RARB: variants seen among roughly 807,000 people sequenced by gnomAD.
The protein encoded by RARB is retinoic acid receptor beta.
In RARB, 17 loss-of-function variants were observed where a neutral mutation model predicts 51.9. The ratio of observed to expected loss-of-function variants is 0.33; its 90% CI spans 0.22 to 0.49. The LOEUF (loss-of-function observed/expected upper bound fraction) is 0.49, where lower values mean the gene tolerates loss of function less well. RARB is among the 20% of genes least tolerant of loss of function. RARB has a pLI of 0.99. For missense variants in RARB, 369 were observed against 550.8 expected (o/e 0.67, Z 3.30); for synonymous variants, 215 against 195.4 (o/e 1.10, Z -0.84).
intron 2 of RARB, among the ~76,000 whole-genome samples, chr3:25,045,204 GGA>G (rs1435054427): frequency 2.6e-5 from 4 of 152,140 alleles, no homozygotes; most frequent in Non-Finnish European, 5.9e-5. Context: ...GGTGTTTGAT[GGA>G]GAAAGGAGAG....
chr3:25,174,096 A>T lies in RARB; in HGVS notation c.-279-23A>T, dbSNP rs183282582. On this transcript the variant is annotated intron_variant, in intron 4 of 11. Coordinates refer to the RARB transcript ENST00000383772. ...GGGAGAGATTTTTTGTGATATATAT[A>T]TTTTTTTCATTTTTTCTTACAGAAT... 5.7e-4 allele frequency: 104 copies of T among 182,052 alleles called. 1 individual carries two copies. Among genetic ancestry groups the T allele is most frequent in the African/African-American group, 1.9e-3 (84 of 43,130 alleles). The allele number at this position is 182,052 out of a possible 1,614,324, so 11.3% of individuals were successfully genotyped here.
intron 5 of RARB, among the ~76,000 whole-genome samples, chr3:25,348,115 G>A (rs17016242): frequency 0.03 from 4,603 of 152,214 alleles, 165 homozygotes; most frequent in African/African-American, 0.089. Flanking sequence ...ACACCACACA[G>A]CTGATAGCAA....
chr3:24,934,061 C>G (rs1695497238), intron 2 of RARB, among the ~76,000 whole-genome samples: 1 of 152,100 alleles, frequency 6.6e-6, no homozygotes, highest in African/African-American at 2.4e-5. Context: ...ATGAAGTTCC[C>G]TTTGAAGAGC....
chr3:25,290,188 C>A (rs1178412937), intron 5 of RARB, among the ~76,000 whole-genome samples: 4 of 152,132 alleles, frequency 2.6e-5, no homozygotes, highest in Non-Finnish European at 5.9e-5. Flanking sequence ...AAGACCTATC[C>A]CCCAGGACTT....
intron 5 of RARB, among the ~76,000 whole-genome samples, chr3:25,343,660 G>C (rs893102556): frequency 3.3e-5 from 5 of 152,064 alleles, no homozygotes; most frequent in Non-Finnish European, 7.4e-5. Context: ...TACAGTGTTT[G>C]ATACACTAAT....
At chr3:24,878,361 G>A (rs1332426755) in intron 2 of RARB, among the ~76,000 whole-genome samples, 12 of 147,726 alleles carry the variant, frequency 8.1e-5, no homozygotes, top group Admixed American at 8.1e-4. Flanking sequence ...TCCAAGTTGT[G>A]ATTTTTTTTT....
At chr3:25,229,328 AC>A (rs1183488469) in intron 5 of RARB, among the ~76,000 whole-genome samples, 2 of 152,162 alleles carry the variant, frequency 1.3e-5, no homozygotes, top group Admixed American at 6.6e-5. Context: ...ATTATCTTTT[AC>A]CATATGAATT....
At position 25,370,899 on chromosome 3, in the gene RARB, T is replaced by A. The variant is rs539637682; in HGVS notation, c.179-90294T>A. ...TAGGAGAGAAACTTTCCTTTCCTCTTTGAGCTTTTGGTGACTGCCGGGGCA... is the reference window on the plus strand; with the variant it reads ...TAGGAGAGAAACTTTCCTTTCCTCTATGAGCTTTTGGTGACTGCCGGGGCA... On this transcript the variant is annotated intron_variant, in intron 5 of 11. Coordinates refer to the RARB transcript ENST00000383772. Among the ~76,000 whole-genome samples, 11 of 152,262 alleles carry A rather than the reference T, an allele frequency of 7.2e-5. No homozygotes were observed. The South Asian group carries it at 2.3e-3, about 32-fold the overall frequency.
chr3:25,164,710 C>T (rs951643595), intron 4 of RARB, among the ~76,000 whole-genome samples: 1 of 152,084 alleles, frequency 6.6e-6, no homozygotes, highest in Non-Finnish European at 1.5e-5. Context: ...GTGAATTTTT[C>T]TTTTATAAAA....
At chr3:25,150,857 C>A (rs1275152457) in intron 4 of RARB, among the ~76,000 whole-genome samples, 1 of 152,138 alleles carries the variant, frequency 6.6e-6, no homozygotes, top group Non-Finnish European at 1.5e-5. Context: ...GGAAAAATAC[C>A]TAGACAACGG....
At chr3:25,338,060 T>C (rs908950910) in intron 5 of RARB, among the ~76,000 whole-genome samples, 9 of 149,232 alleles carry the variant, frequency 6.0e-5, no homozygotes, top group Admixed American at 1.3e-4. Flanking sequence ...TTATTGAGCA[T>C]TGAAGCATGT....
At chr3:25,397,123 G>C (rs1222614533) in intron 5 of RARB, among the ~76,000 whole-genome samples, 1 of 152,124 alleles carries the variant, frequency 6.6e-6, no homozygotes, top group African/African-American at 2.4e-5. Flanking sequence ...TCTTCTCCAT[G>C]TGTTCCTTCC....
intron 5 of RARB, among the ~76,000 whole-genome samples, chr3:25,212,931 C>T (rs1419005646): frequency 6.6e-6 from 1 of 152,130 alleles, no homozygotes; most frequent in African/African-American, 2.4e-5. Flanking sequence ...AGGCCACGGA[C>T]GGGAAGTAAG....
At chr3:25,090,265 G>C (rs1361356852) in intron 3 of RARB, among the ~76,000 whole-genome samples, 2 of 151,988 alleles carry the variant, frequency 1.3e-5, no homozygotes, top group Non-Finnish European at 2.9e-5. Flanking sequence ...TTAAGTTCTT[G>C]GGAAAAATAA....
intron 2 of RARB, among the ~76,000 whole-genome samples, chr3:25,011,930 G>C (rs1697406927): frequency 6.6e-6 from 1 of 152,048 alleles, no homozygotes; most frequent in African/African-American, 2.4e-5. Flanking sequence ...TAGGGAGAGA[G>C]ATCATTTGTT....
intron 2 of RARB, among the ~76,000 whole-genome samples, chr3:24,897,182 G>T (rs2363515): frequency 0.67 from 102,537 of 152,132 alleles, 35,446 homozygotes; most frequent in East Asian, 0.87. Context: ...TGGGTAGTTG[G>T]CTGTATCTAT....
intron 5 of RARB, among the ~76,000 whole-genome samples, chr3:25,314,589 C>T (rs1234624396): frequency 6.6e-6 from 1 of 152,174 alleles, no homozygotes; most frequent in African/African-American, 2.4e-5. Context: ...TACTACAGTC[C>T]ATTCTAACAC....
intron 5 of RARB, among the ~76,000 whole-genome samples, chr3:25,298,986 C>T (rs1703979929): frequency 6.6e-6 from 1 of 152,200 alleles, no homozygotes; most frequent in Non-Finnish European, 1.5e-5. Context: ...TAAGGGGTCA[C>T]TGTTCACATC....
At chr3:25,363,328 CATT>C (rs1166597333) in intron 5 of RARB, among the ~76,000 whole-genome samples, 4 of 152,114 alleles carry the variant, frequency 2.6e-5, no homozygotes, top group Admixed American at 6.5e-5. Flanking sequence ...TCCAGGTAAA[CATT>C]ATCTGGAGCT....
Sources: gnomAD v4.1 joint callset for allele counts (sites outside exome capture counted in the v4.1 genomes callset) on GRCh38, gnomAD v4.1.1 for gene constraint, MANE v1.5 for transcripts, NCBI Gene and HGNC (gene_info 2026-07-23, HGNC 2026-07-21) for gene names.